Variants in CACNA1H observed in about 807,000 individuals in gnomAD.
CACNA1H encodes the protein voltage-dependent T-type calcium channel subunit alpha-1H.
Under a neutral mutation model 192.5 loss-of-function variants are expected in CACNA1H, and 149 were observed. The observed-to-expected ratio is 0.77, with a 90% CI of 0.68 to 0.89. CACNA1H has a LOEUF of 0.89. Ranked by LOEUF, CACNA1H falls within the 40% of genes least tolerant of loss-of-function variation. The pLI, the probability that CACNA1H is intolerant of heterozygous loss-of-function variation, is 0.00. For synonymous variants in CACNA1H, 2,202 were observed against 1,475.2 expected (o/e 1.49, Z -11.29); for missense variants, 4,257 against 3,423.5 (o/e 1.24, Z -6.08).
chr16:1,217,895 C>G (rs377245789), intron 31 of CACNA1H, 24 bp from the exon 32 acceptor site: 24 of 1,579,282 alleles, frequency 1.5e-5, no homozygotes, highest in Non-Finnish European at 2.1e-5. Flanking sequence ...CTCGGCTGAC[C>G]GGGCGGGGTC....
At chr16:1,214,556 G>C (rs541011717) in intron 27 of CACNA1H, among the ~76,000 whole-genome samples, 1 of 152,156 alleles carries the variant, frequency 6.6e-6, no homozygotes, top group East Asian at 1.9e-4. Context: ...GCATACCGTC[G>C]GTGCTCAGAG....
intron 2 of CACNA1H, among the ~76,000 whole-genome samples, chr16:1,158,923 G>A (rs573389880): frequency 6.6e-6 from 1 of 151,920 alleles, no homozygotes; most frequent in South Asian, 2.1e-4. Context: ...GAGCCCCCCC[G>A]CTCAGCCCGC....
intron 2 of CACNA1H, among the ~76,000 whole-genome samples, chr16:1,169,012 AG>A (rs1964088974): frequency 6.6e-6 from 1 of 152,044 alleles, no homozygotes; most frequent in Non-Finnish European, 1.5e-5. Flanking sequence ...GTTCTCTGCC[AG>A]GGTTACGAGT....
At chr16:1,219,359 G>C (rs537829430) in intron 34 of CACNA1H, among the ~76,000 whole-genome samples, 1 of 152,202 alleles carries the variant, frequency 6.6e-6, no homozygotes, top group Non-Finnish European at 1.5e-5. Flanking sequence ...TGGCTACAGG[G>C]ACCTGAGTCT....
chr16:1,209,986 G>A (rs1436188813), intron 17 of CACNA1H, 49 bp from the exon 18 acceptor site: 9 of 1,410,672 alleles, frequency 6.4e-6, no homozygotes, highest in South Asian at 3.7e-5. Context: ...CTGATGGGGG[G>A]CCGGGCAGGC....
chr16:1,174,863 G>A lies in CACNA1H; in HGVS notation c.300-20109G>A, dbSNP rs533082451. On this transcript the variant is annotated intron_variant, in intron 2 of 34. Coordinates refer to ENST00000348261, the MANE Select transcript of CACNA1H (RefSeq NM_021098.3). ...TCGAGGCTCCCCGGGGCCCAGGTCT[G>A]CAGCCAGCTGGCGGTGGGCAGGCAG... 3.6e-3 allele frequency among the ~76,000 whole-genome samples: 554 copies of A among 152,282 alleles called. 3 individuals carry two copies. Among genetic ancestry groups the A allele is most frequent in the African/African-American group, 0.013 (538 of 41,558 alleles).
At chr16:1,206,043 G>A (rs1464583319) in intron 11 of CACNA1H, 61 bp from the exon 12 acceptor site, 6 of 1,473,860 alleles carry the variant, frequency 4.1e-6, no homozygotes, top group Non-Finnish European at 4.5e-6. Flanking sequence ...GCTTCCAGTG[G>A]GACGAGGGCC....
rs1033847155 is a variant in CACNA1H at position 1,162,617 on chromosome 16, C to T, written c.299+8581C>T. Among the ~76,000 whole-genome samples, 4 of 149,122 alleles carry T rather than the reference C, an allele frequency of 2.7e-5. No homozygotes were observed. In the Admixed American group the frequency reaches 2.7e-4, roughly 10 times the overall value. ...CTGGTTAGAAGCTGCCCCGCACGGC[C>T]AGCTCCTGCGGACACCTGGAGTGGG... On this transcript the variant is annotated intron_variant, in intron 2 of 34. Transcript: ENST00000348261.
In CACNA1H at chr16:1,198,675, T is replaced by C; in HGVS notation, c.704T>C (p.Leu235Pro). ...DTLPMLGNVL[L>P]LCFFVFFIFG... ...CTGCCCATGCTCGGGAACGTCCTTC[T>C]GCTGTGCTTCTTCGTCTTCTTCATT... The change falls in exon 6 of 35, where the codon CTG (leucine) becomes CCG (proline). Residue 235 changes from leucine (L) to proline (P), a missense_variant. Transcript: ENST00000348261. 1 of 1,613,526 alleles carries C rather than the reference T, an allele frequency of 6.2e-7. No homozygotes were observed. The highest frequency in any genetic ancestry group is 8.5e-7 in the Non-Finnish European group (1 of 1,179,646).
In CACNA1H at chr16:1,210,519, G is replaced by A. The variant is rs138006754; in HGVS notation, c.3969+26G>A. On this transcript the variant is annotated intron_variant, in intron 19 of 34. Transcript: ENST00000348261. ...GTGAGTCAGCCAACCCCATCGTCCCGGGCCACCACGACCCCCAGGGAGGGG... is the reference window on the plus strand; with the variant it reads ...GTGAGTCAGCCAACCCCATCGTCCCAGGCCACCACGACCCCCAGGGAGGGG... 2,382 of 1,610,908 alleles carry A rather than the reference G, an allele frequency of 1.5e-3. 3 individuals are homozygous for A. The highest frequency in any genetic ancestry group is 5.9e-3 in the Middle Eastern group (36 of 6,062).
intron 27 of CACNA1H, among the ~76,000 whole-genome samples, 157 bp from the exon 28 acceptor site, chr16:1,214,815 G>C (rs1460999341): frequency 6.6e-6 from 1 of 152,114 alleles, no homozygotes; most frequent in Non-Finnish European, 1.5e-5. Context: ...GCTGGAGGAG[G>C]GCCGAAGAGG....
intron 2 of CACNA1H, among the ~76,000 whole-genome samples, chr16:1,182,201 G>C (rs912294161): frequency 6.6e-6 from 1 of 152,174 alleles, no homozygotes; most frequent in African/African-American, 2.4e-5. Context: ...CAGGTGGGAG[G>C]CTCTGCGGGG....
intron 2 of CACNA1H, among the ~76,000 whole-genome samples, chr16:1,194,518 G>A (rs1966843355): frequency 2.0e-5 from 3 of 152,130 alleles, no homozygotes; most frequent in African/African-American, 4.8e-5. Context: ...GTTGCATGGC[G>A]GTGCCCCGAC....
chr16:1,168,912 C>T (rs1294122926), intron 2 of CACNA1H, among the ~76,000 whole-genome samples: 7 of 152,074 alleles, frequency 4.6e-5, no homozygotes, highest in Non-Finnish European at 8.8e-5. Flanking sequence ...AGTACCCTGG[C>T]CTGTGAGCCT....
At chr16:1,200,170 C>A (rs929544889) in intron 6 of CACNA1H, 86 bp from the exon 7 acceptor site, 1 of 1,130,738 alleles carries the variant, frequency 8.8e-7, no homozygotes, top group South Asian at 1.5e-5. Flanking sequence ...TGACCTTGAT[C>A]ACGTCCCTGA....
At position 1,204,404 on chromosome 16, in the gene CACNA1H, C is replaced by T. The variant is rs1265391021; in HGVS notation, c.2397C>T (p.Ile799=). 2.6e-6 allele frequency: 4 copies of T among 1,554,676 alleles called. No homozygotes were observed. The highest frequency in any genetic ancestry group is 2.5e-5 in the South Asian group (2 of 80,128). ...ACAGCAAGTACTTCAGCCGTGGCAT[C>T]ATGATGGCCATCCTTGTCAACACGC... The part of the protein sequence containing the change: ...IVDSKYFSRG[I]MMAILVNTLS... Residue 799 remains isoleucine (I), a synonymous_variant, in exon 10 of 35, where the codon ATC becomes ATT. Coordinates refer to ENST00000348261, the MANE Select transcript of CACNA1H (RefSeq NM_021098.3).
intron 8 of CACNA1H, among the ~76,000 whole-genome samples, 183 bp downstream of exon 8, chr16:1,200,991 C>T (rs60799567): frequency 0.014 from 2,190 of 152,156 alleles, 66 homozygotes; most frequent in African/African-American, 0.05. Flanking sequence ...GAGGCCATGG[C>T]ATCACCTAGA....
At position 1,200,446 on chromosome 16, in the gene CACNA1H, G is replaced by A. The variant is rs59650398; in HGVS notation, c.994G>A (p.Ala332Thr). The A allele has an allele frequency of 0.017, 27,012 of 1,611,106 alleles. 305 individuals carry two copies. The highest frequency in any genetic ancestry group is 0.038 in the Middle Eastern group (230 of 6,060). Residue 332 changes from alanine (A) to threonine (T), a missense_variant, in exon 7 of 35, where the codon GCT becomes ACT. Transcript: ENST00000348261. The part of the protein sequence containing the change: ...YTQPQAEGVG[A>T]ARNACINWNQ... ...GCAGCCGCAGGCCGAGGGGGTGGGCGCTGCACGCAACGCCTGCATCAACTG... is the reference window on the plus strand; with the variant it reads ...GCAGCCGCAGGCCGAGGGGGTGGGCACTGCACGCAACGCCTGCATCAACTG...
At chr16:1,192,639 G>A (rs1966722923) in intron 2 of CACNA1H, among the ~76,000 whole-genome samples, 1 of 152,196 alleles carries the variant, frequency 6.6e-6, no homozygotes, top group African/African-American at 2.4e-5. Context: ...GGGGCCAGCT[G>A]GGGTACAGGG....
Sources: gnomAD v4.1 joint callset for allele counts (sites outside exome capture counted in the v4.1 genomes callset) on GRCh38, gnomAD v4.1.1 for gene constraint, MANE v1.5 for transcripts, NCBI Gene and HGNC (gene_info 2026-07-23, HGNC 2026-07-21) for gene names.